The following TMEM117 variants were observed in gnomAD, a reference collection of about 807,000 sequenced individuals.
TMEM117 encodes transmembrane protein 117.
A neutral mutation model predicts 52.4 loss-of-function variants in TMEM117; 27 were observed. That is an observed-to-expected ratio of 0.51 (90% CI 0.38 to 0.71). The LOEUF is 0.71. TMEM117 is among the 30% of genes least tolerant of loss of function. TMEM117 has a pLI of 0.00. For missense variants in TMEM117, 556 were observed against 630.5 expected (o/e 0.88, Z 1.26); for synonymous variants, 215 against 206.3 (o/e 1.04, Z -0.36).
intron 6 of TMEM117, among the ~76,000 whole-genome samples, chr12:44,325,704 A>G (rs969117765): frequency 6.6e-6 from 1 of 152,092 alleles, no homozygotes; most frequent in African/African-American, 2.4e-5. Flanking sequence ...ATTGTTTACA[A>G]CAGTTGTTTT....
chr12:44,344,102 G>C (rs1951452605), intron 6 of TMEM117, among the ~76,000 whole-genome samples: 1 of 152,144 alleles, frequency 6.6e-6, no homozygotes, highest in East Asian at 1.9e-4. Flanking sequence ...TAAGTAGGGA[G>C]AGCAGGCTTG....
chr12:43,852,527 A>G (rs1361309473), intron 2 of TMEM117, among the ~76,000 whole-genome samples: 8 of 152,188 alleles, frequency 5.3e-5, no homozygotes, highest in Admixed American at 6.5e-5. Context: ...ACTTGAACCC[A>G]GGAGGCAGAG....
At chr12:43,818,447 T>A in the TMEM117 span, among the ~76,000 whole-genome samples, 13 of 151,236 alleles carry the variant, frequency 8.6e-5, no homozygotes, top group South Asian at 2.5e-3. Flanking sequence ...TTTTTTTGTT[T>A]TTATTTTTTT....
chr12:43,888,154 A>G (rs1441292886), intron 2 of TMEM117, among the ~76,000 whole-genome samples: 1 of 152,230 alleles, frequency 6.6e-6, no homozygotes, highest in African/African-American at 2.4e-5. Flanking sequence ...ACTTTCTCCG[A>G]ACATCACCAG....
chr12:44,016,522 T>C (rs902347088), intron 3 of TMEM117, among the ~76,000 whole-genome samples: 3 of 152,210 alleles, frequency 2.0e-5, no homozygotes, highest in Admixed American at 6.5e-5. Context: ...TGGGATTATT[T>C]AATTTTTTTT....
intron 3 of TMEM117, among the ~76,000 whole-genome samples, chr12:44,095,661 G>C (rs1256248759): frequency 6.6e-6 from 1 of 152,046 alleles, no homozygotes; most frequent in Non-Finnish European, 1.5e-5. Flanking sequence ...GTTCAAAGTT[G>C]TCACTTATTT....
chr12:44,058,924 C>T (rs989567615), intron 3 of TMEM117, among the ~76,000 whole-genome samples: 7 of 152,008 alleles, frequency 4.6e-5, no homozygotes, highest in African/African-American at 1.5e-4. Context: ...TGCCAGGGAC[C>T]GGTTTTATGG....
chr12:43,799,218 CAT>C, the TMEM117 span, among the ~76,000 whole-genome samples: 1 of 152,128 alleles, frequency 6.6e-6, no homozygotes, highest in Admixed American at 6.5e-5. Flanking sequence ...GTTTAATATT[CAT>C]TTTAACTTTT....
intron 3 of TMEM117, among the ~76,000 whole-genome samples, chr12:44,096,708 T>C (rs952431041): frequency 2.6e-5 from 4 of 152,114 alleles, no homozygotes; most frequent in African/African-American, 9.7e-5. Context: ...TATACAAAAA[T>C]TAATTCAAGA....
intron 2 of TMEM117, among the ~76,000 whole-genome samples, chr12:43,875,259 A>C (rs1943775577): frequency 6.6e-6 from 1 of 151,784 alleles, no homozygotes; most frequent in Admixed American, 6.6e-5. Context: ...GTGAGAAAAG[A>C]GTCAGAATCG....
intron 6 of TMEM117, among the ~76,000 whole-genome samples, chr12:44,321,775 A>G (rs1951133298): frequency 6.6e-6 from 1 of 152,318 alleles, no homozygotes; most frequent in Admixed American, 6.5e-5. Flanking sequence ...AATAACAACT[A>G]TGTATTCTCA....
the TMEM117 span, chr12:43,805,929 G>A: frequency 4.6e-6 from 7 of 1,521,902 alleles, no homozygotes; most frequent in East Asian, 1.0e-4. Context: ...GTCGGGGACG[G>A]TGGAAGGCAC....
chr12:44,376,545 C>T (rs1003613720), intron 6 of TMEM117, 50 bp from the exon 7 acceptor site: 1 of 1,578,522 alleles, frequency 6.3e-7, no homozygotes, highest in Non-Finnish European at 8.6e-7. Flanking sequence ...TGTTTTGCTG[C>T]TTAGGAATGA....
intron 3 of TMEM117, among the ~76,000 whole-genome samples, chr12:44,138,655 TCATTA>T (rs2138188798): frequency 6.6e-6 from 1 of 152,272 alleles, no homozygotes; most frequent in African/African-American, 2.4e-5. Flanking sequence ...GCAATTTTAA[TCATTA>T]CAGGCTACAG....
chr12:44,074,911 A>T (rs972886810), intron 3 of TMEM117, among the ~76,000 whole-genome samples: 1 of 152,154 alleles, frequency 6.6e-6, no homozygotes, highest in African/African-American at 2.4e-5. Flanking sequence ...AAAGGATGTA[A>T]ACCCCACTCT....
intron 3 of TMEM117, among the ~76,000 whole-genome samples, chr12:44,063,475 T>A (rs946265664): frequency 3.3e-5 from 5 of 152,274 alleles, no homozygotes; most frequent in South Asian, 2.1e-4. Context: ...TTCTTTTTTT[T>A]TTATTATTAT....
At chr12:43,944,476 G>T in intron 3 of TMEM117, 134 bp downstream of exon 3, 1 of 840,104 alleles carries the variant, frequency 1.2e-6, no homozygotes, top group Admixed American at 3.1e-5. Flanking sequence ...AGTATTTTAT[G>T]TATTTTTCTT....
chr12:44,381,692 T>G (rs1412973073), intron 7 of TMEM117, among the ~76,000 whole-genome samples: 1 of 152,202 alleles, frequency 6.6e-6, no homozygotes, highest in Non-Finnish European at 1.5e-5. Flanking sequence ...TATTTCAGTT[T>G]CCTGTGTTGT....
At chr12:43,998,665 T>C (rs1946069935) in intron 3 of TMEM117, among the ~76,000 whole-genome samples, 1 of 152,206 alleles carries the variant, frequency 6.6e-6, no homozygotes, top group East Asian at 1.9e-4. Context: ...AGTAGACAGT[T>C]ATTTCTTCAC....
Sources: allele counts gnomAD v4.1 joint callset (sites outside exome capture counted in the v4.1 genomes callset), GRCh38; gene constraint gnomAD v4.1.1; transcripts MANE v1.5; gene names NCBI Gene and HGNC (gene_info 2026-07-23, HGNC 2026-07-21).